The following AFDN variants were observed in gnomAD, a reference collection of about 807,000 sequenced individuals.
The protein encoded by AFDN is afadin.
In AFDN, 68 loss-of-function variants were observed where a neutral mutation model predicts 216.6. The ratio of observed to expected loss-of-function variants is 0.31; its 90% CI spans 0.26 to 0.38. The LOEUF (loss-of-function observed/expected upper bound fraction) is 0.38. AFDN is among the 10% of genes least tolerant of loss of function. The pLI, the probability that AFDN is intolerant of heterozygous loss-of-function variation, is 1.00. For synonymous variants in AFDN, 868 were observed against 853.7 expected, an observed-to-expected ratio of 1.02 and a Z score of -0.29; for missense variants, 2,136 against 2,342.0, an observed-to-expected ratio of 0.91 and a Z score of 1.82.
chr6:167,898,577 T>C (rs1788565110), intron 11 of AFDN, 110 bp downstream of exon 11: 5 of 1,250,458 alleles, frequency 4.0e-6, no homozygotes, highest in Non-Finnish European at 5.4e-6. Context: ...TAAAAAAATA[T>C]CAAAGTGAAG....
intron 12 of AFDN, among the ~76,000 whole-genome samples, chr6:167,902,716 T>A (rs941449866): frequency 3.3e-5 from 5 of 152,206 alleles, no homozygotes; most frequent in African/African-American, 1.2e-4. Flanking sequence ...TCTCAAAATA[T>A]CTTATTGTAT....
intron 31 of AFDN, chr6:167,963,174 C>T (rs778783044): frequency 1.4e-4 from 146 of 1,065,030 alleles, no homozygotes; most frequent in Non-Finnish European, 1.5e-4. Context: ...AAAATGACAG[C>T]GAATTTTGAC....
chr6:167,962,510 A>G lies in AFDN; in HGVS notation c.4911A>G (p.Gln1637=). 6.2e-7 allele frequency: 1 copy of G among 1,613,830 alleles called. No individual in the cohort carries two copies. Among genetic ancestry groups the G allele is most frequent in the East Asian group, 2.2e-5 (1 of 44,888 alleles). Reference sequence around the variant, plus strand: ...GGGAAGCGGAAGACCGAGCGAGGCAAGAGGAAGAGCGCCGGCGGCAGGAGG... The same window carrying G: ...GGGAAGCGGAAGACCGAGCGAGGCAGGAGGAAGAGCGCCGGCGGCAGGAGG... ...RKREAEDRAR[Q]EEERRRQEEE... The change falls in exon 31 of 34, where the codon CAA becomes CAG. Residue 1637 remains glutamine, a synonymous_variant. Transcript: ENST00000683244. This position sits in a 1 kb window ranked among gnomAD's most constrained non-coding sequence, Gnocchi z 5.2.
intron 21 of AFDN, among the ~76,000 whole-genome samples, chr6:167,920,324 T>C (rs1012896458): frequency 5.3e-5 from 8 of 152,158 alleles, no homozygotes; most frequent in African/African-American, 1.7e-4. Flanking sequence ...TTCCGTGCTC[T>C]GCCATTCCCT....
intron 12 of AFDN, 22 bp from the exon 13 acceptor site, chr6:167,907,149 G>A (rs746077530): frequency 2.2e-4 from 346 of 1,596,134 alleles, no homozygotes; most frequent in Non-Finnish European, 2.8e-4. Flanking sequence ...TTCTAAACCC[G>A]TTGTGCTTTC....
At chr6:167,937,465 T>C (rs1331318859) in intron 23 of AFDN, among the ~76,000 whole-genome samples, 1 of 152,162 alleles carries the variant, frequency 6.6e-6, no homozygotes, top group East Asian at 1.9e-4. Context: ...CTAGGCTGGT[T>C]GTGAACTCTT....
intron 32 of AFDN, chr6:167,966,394 C>A: frequency 1.2e-6 from 1 of 842,114 alleles, no homozygotes; most frequent in Admixed American, 3.4e-5. Flanking sequence ...ATTTGGATGT[C>A]ATGTGATCAC....
chr6:167,964,050 G>T (rs1256538677), intron 31 of AFDN: 35 of 1,064,402 alleles, frequency 3.3e-5, no homozygotes, highest in Non-Finnish European at 3.6e-5. Flanking sequence ...CACATGCAGA[G>T]AGGACCAGGC....
chr6:167,917,688 TA>T (rs1791264661), intron 20 of AFDN, among the ~76,000 whole-genome samples: 1 of 152,236 alleles, frequency 6.6e-6, no homozygotes, highest in Non-Finnish European at 1.5e-5. Context: ...CACTGTTAGC[TA>T]TTTATAAAGA....
At chr6:167,882,743 T>G (rs1786289332) in intron 6 of AFDN, among the ~76,000 whole-genome samples, 1 of 152,194 alleles carries the variant, frequency 6.6e-6, no homozygotes, top group Non-Finnish European at 1.5e-5. Context: ...AAGTTTAGTT[T>G]CTAGGTTGAA....
In AFDN at chr6:167,965,795, C is replaced by T. The variant is rs544126858; in HGVS notation, c.5007C>T (p.Ala1669=). 3.2e-5 allele frequency: 50 copies of T among 1,561,716 alleles called. 1 individual carries two copies. In the East Asian group the frequency reaches 9.3e-4, roughly 29 times the overall value. ...AAGGGTATTACAGCCGCCTGGAAGC[C>T]GAGAGGCGCAGACAGCACGACGAGG... ...QEEGYYSRLE[A]ERRRQHDEAA... is the part of the protein sequence containing the mutation. The change falls in exon 32 of 34, where the codon GCC becomes GCT. Residue 1669 remains alanine (A), a synonymous_variant. Transcript: ENST00000683244.
chr6:167,829,681 T>A (rs1429837216), intron 1 of AFDN, among the ~76,000 whole-genome samples: 2 of 150,894 alleles, frequency 1.3e-5, no homozygotes, highest in Non-Finnish European at 3.0e-5. Flanking sequence ...CTTTTGTTGT[T>A]TTTTTTTTGG....
At chr6:167,878,603 C>G (rs531057796) in intron 5 of AFDN, among the ~76,000 whole-genome samples, 60 of 123,974 alleles carry the variant, frequency 4.8e-4, no homozygotes, top group Admixed American at 1.5e-3. Flanking sequence ...CTCTCTCTCT[C>G]TCTGTCTCTC....
At chr6:167,907,129 C>A in intron 12 of AFDN, 42 bp from the exon 13 acceptor site, 3 of 1,497,992 alleles carry the variant, frequency 2.0e-6, no homozygotes, top group South Asian at 2.3e-5. Context: ...CTTGGTTGGT[C>A]TGTGTGAGGT....
At chr6:167,862,439 G>C (rs908727506) in intron 1 of AFDN, among the ~76,000 whole-genome samples, 1 of 151,790 alleles carries the variant, frequency 6.6e-6, no homozygotes, top group Non-Finnish European at 1.5e-5. Flanking sequence ...GCAGTGGCGC[G>C]ATCTTGGCTG....
chr6:167,949,971 G>A (rs921583026), intron 29 of AFDN, among the ~76,000 whole-genome samples: 6 of 152,156 alleles, frequency 3.9e-5, no homozygotes, highest in African/African-American at 1.4e-4. Flanking sequence ...GCCAGCAGCC[G>A]GGGCCAGTGC....
chr6:167,850,639 C>A (rs1782193265), intron 1 of AFDN, among the ~76,000 whole-genome samples: 1 of 151,704 alleles, frequency 6.6e-6, no homozygotes, highest in Non-Finnish European at 1.5e-5. Context: ...TTAGAACCTT[C>A]TTATTATTTC....
chr6:167,934,768 G>A (rs116230902), intron 23 of AFDN, among the ~76,000 whole-genome samples: 1 of 151,950 alleles, frequency 6.6e-6, no homozygotes, highest in Non-Finnish European at 1.5e-5. Flanking sequence ...ACTCCCACAC[G>A]CACTCAGGGT....
intron 5 of AFDN, among the ~76,000 whole-genome samples, chr6:167,876,710 CT>C (rs1785429158): frequency 6.6e-6 from 1 of 151,916 alleles, no homozygotes; most frequent in Admixed American, 6.6e-5. Flanking sequence ...TTATATCTAA[CT>C]TTAAAAAATA....
Sources: allele counts gnomAD v4.1 joint callset (sites outside exome capture counted in the v4.1 genomes callset), GRCh38; gene constraint gnomAD v4.1.1; non-coding constraint Gnocchi (gnomAD v3.1); transcripts MANE v1.5; gene names NCBI Gene and HGNC (gene_info 2026-07-23, HGNC 2026-07-21).